Variants in TBC1D8B observed in about 807,000 individuals in gnomAD.
TBC1D8B encodes RP11-321G1.1.
In TBC1D8B, 75 loss-of-function variants were observed where a neutral mutation model predicts 82.9. That is an observed-to-expected ratio of 0.90 (90% CI 0.75 to 1.10). The LOEUF (loss-of-function observed/expected upper bound fraction) is 1.10, where lower values mean the gene tolerates loss of function less well. Ranked by LOEUF, TBC1D8B falls within the 50% of genes least tolerant of loss-of-function variation. The probability of loss-of-function intolerance (pLI) is 0.00; values close to 1 mark genes in which losing one functional copy is unlikely to be tolerated. For synonymous variants in TBC1D8B, 276 were observed against 276.8 expected (o/e 1.00, Z 0.03); for missense variants, 794 against 796.9 (o/e 1.00, Z 0.04).
intron 7 of TBC1D8B, chrX:106,828,402 A>G (rs1931920197): frequency 8.9e-6 from 1 of 112,772 alleles, no homozygotes; most frequent in Non-Finnish European, 1.9e-5. Context: ...AACTATTCCA[A>G]TCAATAGAAA....
chrX:106,802,734 C>T lies in TBC1D8B; in HGVS notation c.-120C>T. ...TTGGGGGAAGTGTGGAAAACCTGAA[C>T]CTGAGCTGCTGTCGCCTGAGGAAGA... On this transcript the variant is annotated 5_prime_UTR_variant, in exon 1 of 21. Coordinates refer to ENST00000357242, the MANE Select transcript of TBC1D8B (RefSeq NM_017752.3). The T allele has an allele frequency of 9.5e-7, 1 of 1,057,702 alleles. No individual in the cohort carries two copies. The highest frequency in any genetic ancestry group is 1.3e-6 in the Non-Finnish European group (1 of 776,458). The allele number at this position is 1,057,702 out of a possible 1,213,427, so 87.2% of individuals were successfully genotyped here.
intron 5 of TBC1D8B, among the ~76,000 whole-genome samples, chrX:106,824,758 A>G (rs961535710): frequency 9.0e-6 from 1 of 111,538 alleles, no homozygotes; most frequent in African/African-American, 3.2e-5. Flanking sequence ...CCCATTGAAA[A>G]TCGTACATAT....
chrX:106,853,062 A>G (rs1311597453), intron 12 of TBC1D8B, among the ~76,000 whole-genome samples: 1 of 111,073 alleles, frequency 9.0e-6, no homozygotes, highest in African/African-American at 3.3e-5. Context: ...ATGAGCATGG[A>G]ATGTTCTTCT....
intron 1 of TBC1D8B, among the ~76,000 whole-genome samples, chrX:106,806,562 C>G (rs1252383736): frequency 9.0e-6 from 1 of 111,420 alleles, no homozygotes; most frequent in East Asian, 2.8e-4. Context: ...ACTAAGTACT[C>G]TAGTATATGG....
chrX:106,818,902 GAGAATAGCA>G (rs1247518928), intron 2 of TBC1D8B, 129 bp downstream of exon 2: 3 of 470,471 alleles, frequency 6.4e-6, no homozygotes, highest in African/African-American at 5.1e-5. Flanking sequence ...TTTACTTTGA[GAGAATAGCA>G]AGACCTCTAT....
At chrX:106,861,646 A>G (rs1426213150) in intron 14 of TBC1D8B, among the ~76,000 whole-genome samples, 1 of 111,751 alleles carries the variant, frequency 8.9e-6, no homozygotes, top group Non-Finnish European at 1.9e-5. Flanking sequence ...TCTTGAAGAC[A>G]TCATTCAGTT....
chrX:106,868,238 A>G lies in TBC1D8B; in HGVS notation c.2729-155A>G, dbSNP rs7876585. ...TTACAGTATAATTACTATATATTAC[A>G]GTAGAGTAGAACCACTTCTGTATTT... is the stretch of plus-strand genomic sequence containing the variant. On this transcript the variant is annotated intron_variant, in intron 17 of 20. Coordinates refer to ENST00000357242, the MANE Select transcript of TBC1D8B (RefSeq NM_017752.3). 0.06 allele frequency among the ~76,000 whole-genome samples: 6,640 copies of G among 110,263 alleles called. 540 individuals are homozygous for G. Among genetic ancestry groups the G allele is most frequent in the African/African-American group, 0.21 (6,282 of 30,192 alleles).
chrX:106,809,884 C>CAAAA (rs1234195385), intron 1 of TBC1D8B, among the ~76,000 whole-genome samples: 3 of 36,769 alleles, frequency 8.2e-5, no homozygotes, highest in African/African-American at 1.8e-4. Flanking sequence ...GACTCCGTCT[C>CAAAA]AAAAAAAAAA....
intron 12 of TBC1D8B, 54 bp downstream of exon 12, chrX:106,850,364 G>T: frequency 9.3e-7 from 1 of 1,075,631 alleles, no homozygotes; most frequent in Non-Finnish European, 1.2e-6. Context: ...AGATGATGTT[G>T]TTCAATCCCC....
At chrX:106,818,914 A>T in intron 2 of TBC1D8B, 141 bp downstream of exon 2, 1 of 426,807 alleles carries the variant, frequency 2.3e-6, no homozygotes, top group Non-Finnish European at 3.8e-6. Flanking sequence ...GAATAGCAAG[A>T]CCTCTATTTT....
At chrX:106,856,672 C>T (rs1441645303) in intron 14 of TBC1D8B, among the ~76,000 whole-genome samples, 1 of 111,007 alleles carries the variant, frequency 9.0e-6, no homozygotes, top group Non-Finnish European at 1.9e-5. Flanking sequence ...TTTGTTACTA[C>T]AACAGTACCA....
At chrX:106,851,085 A>T (rs1012685316) in intron 12 of TBC1D8B, among the ~76,000 whole-genome samples, 5 of 111,831 alleles carry the variant, frequency 4.5e-5, no homozygotes, top group African/African-American at 1.6e-4. Context: ...CTAATGCTCA[A>T]CCATCTTCAA....
At chrX:106,827,083 C>A in intron 6 of TBC1D8B, 87 bp from the exon 7 acceptor site, 1 of 1,074,431 alleles carries the variant, frequency 9.3e-7, no homozygotes, top group Non-Finnish European at 1.3e-6. Flanking sequence ...AACTTTTGGC[C>A]ACAAAAGAGT....
intron 6 of TBC1D8B, among the ~76,000 whole-genome samples, chrX:106,826,694 T>C (rs918683684): frequency 9.3e-6 from 1 of 107,968 alleles, no homozygotes; most frequent in Non-Finnish European, 1.9e-5. Context: ...GTCCTTGCGA[T>C]AGTTTGCTGA....
At position 106,823,287 on chromosome X, in the gene TBC1D8B, G is replaced by T; in HGVS notation, c.648G>T (p.Leu216=). 1.7e-6 allele frequency: 2 copies of T among 1,209,687 alleles called. No individual in the cohort carries two copies. The highest frequency in any genetic ancestry group is 2.2e-6 in the Non-Finnish European group (2 of 894,193). ...TTGAAAAGACTTCAAATGTCATACTGACAGAGAGTATTCACGTGTGTTCCC... is the reference window on the plus strand; with the variant it reads ...TTGAAAAGACTTCAAATGTCATACTTACAGAGAGTATTCACGTGTGTTCCC... ...SKLEKTSNVI[L]TESIHVCSQG... Residue 216 remains leucine (L), a synonymous_variant, in exon 5 of 21, where the codon CTG becomes CTT. Transcript: ENST00000357242.
chrX:106,819,524 A>G (rs938810581), intron 2 of TBC1D8B, among the ~76,000 whole-genome samples: 2 of 111,250 alleles, frequency 1.8e-5, no homozygotes, highest in African/African-American at 6.5e-5. Context: ...TCTCTTCTAA[A>G]GTAGATATAT....
At position 106,839,296 on chromosome X, in the gene TBC1D8B, T is replaced by C; in HGVS notation, c.1204-12T>C. The C allele has an allele frequency of 8.8e-7, 1 of 1,131,217 alleles. No homozygotes were observed. The highest frequency in any genetic ancestry group is 2.5e-4 in the Middle Eastern group (1 of 4,023). 93.2% of individuals were successfully genotyped at this position (1,131,217 alleles called of 1,213,427 possible). A position where few individuals can be genotyped will look rare whatever the true frequency, so the allele number is the denominator to read the frequency against. On this transcript the variant is annotated splice_polypyrimidine_tract_variant and intron_variant, in intron 7 of 20. Transcript: ENST00000357242. ...GCATGCATCTGGGACAACTACATTC[T>C]TTCTTTTTCAGCTTGCTATTAGTTC...
intron 1 of TBC1D8B, chrX:106,814,127 A>G (rs1406523886): frequency 1.8e-5 from 2 of 109,286 alleles, no homozygotes; most frequent in Non-Finnish European, 3.8e-5. Flanking sequence ...TTGTCCTTGC[A>G]ATAGTTTACT....
chrX:106,823,585 T>C, intron 5 of TBC1D8B, 119 bp downstream of exon 5: 1 of 763,786 alleles, frequency 1.3e-6, no homozygotes, highest in Non-Finnish European at 1.8e-6. Context: ...TTTTTGGAGT[T>C]GATTGTGGGT....
Sources: allele counts gnomAD v4.1 joint callset (sites outside exome capture counted in the v4.1 genomes callset), GRCh38; gene constraint gnomAD v4.1.1; transcripts MANE v1.5; gene names NCBI Gene and HGNC (gene_info 2026-07-23, HGNC 2026-07-21).